Variants in RNF213 observed in about 807,000 individuals in gnomAD.
RNF213 encodes the protein E3 ubiquitin-protein ligase RNF213.
Under a neutral mutation model 514.4 loss-of-function variants are expected in RNF213, and 341 were observed. That is an observed-to-expected ratio of 0.66 (90% CI 0.61 to 0.73). RNF213 has a LOEUF of 0.73. Ranked by LOEUF, RNF213 falls within the 30% of genes least tolerant of loss-of-function variation. The pLI, the probability that RNF213 is intolerant of heterozygous loss-of-function variation, is 0.00. For synonymous variants in RNF213, 2,655 were observed against 2,658.2 expected (o/e 1.00, Z 0.04); for missense variants, 5,767 against 6,615.6 (o/e 0.87, Z 4.45).
Position 80,332,604 on chromosome 17 carries a change from C to T in RNF213, c.4116C>T (p.Phe1372=), listed in dbSNP as rs1320112992. 3 of 1,513,122 alleles carry T rather than the reference C, an allele frequency of 2.0e-6. No homozygotes were observed. The Admixed American group carries it at 6.3e-5, about 32-fold the overall frequency. The allele number at this position is 1,513,122 out of a possible 1,614,324, so 93.7% of individuals were successfully genotyped here. Residue 1372 remains phenylalanine, a synonymous_variant, in exon 21 of 68, where the codon TTC becomes TTT. Transcript: ENST00000582970. Reference sequence around the variant, plus strand: ...AGAGCCTGGGACTGAACGGTGACTTCAGTGTTCTCAACACTTTACTAAATT... The same window carrying T: ...AGAGCCTGGGACTGAACGGTGACTTTAGTGTTCTCAACACTTTACTAAATT... ...VKESLGLNGD[F]SVLNTLLNFT...
chr17:80,296,469 T>C (rs924657185), intron 10 of RNF213, among the ~76,000 whole-genome samples: 4 of 152,204 alleles, frequency 2.6e-5, no homozygotes, highest in African/African-American at 9.6e-5. Flanking sequence ...TGCCCCTGCC[T>C]GTGCCGTGTC....
At chr17:80,348,541 G>A (rs115266045) in intron 29 of RNF213, among the ~76,000 whole-genome samples, 25 of 152,366 alleles carry the variant, frequency 1.6e-4, no homozygotes, top group African/African-American at 5.5e-4. Flanking sequence ...AAAGTACCAC[G>A]TCCCAGGACT....
In RNF213 at chr17:80,332,324, A is replaced by T. The variant is rs1341968032; in HGVS notation, c.3836A>T (p.Tyr1279Phe). Residue 1279 changes from tyrosine (Y) to phenylalanine (F), a missense_variant, in exon 21 of 68, where the codon TAT (tyrosine) becomes TTT (phenylalanine). Transcript: ENST00000582970. ...LELEEVYDYL[Y>F]QPSYRKFIKL... is the part of the protein sequence containing the mutation. ...CTTGAAGAGGTGTATGACTATTTGTATCAGCCTTCTTACAGAAAGTTCATT... is the reference window on the plus strand; with the variant it reads ...CTTGAAGAGGTGTATGACTATTTGTTTCAGCCTTCTTACAGAAAGTTCATT... The T allele has an allele frequency of 6.5e-7, 1 of 1,537,254 alleles. No individual in the cohort carries two copies. The highest frequency in any genetic ancestry group is 2.4e-5 in the East Asian group (1 of 40,926).
rs146085630 is a variant in RNF213, at chr17:80,353,347, G to A, written c.10424-165G>A. On this transcript the variant is annotated intron_variant, in intron 33 of 67. Transcript: ENST00000582970. This position sits in a 1 kb window ranked among gnomAD's most constrained non-coding sequence, Gnocchi z 5.0. ...CTGGAAGGAAGGGGCTGCCTTGGGG[G>A]CTGATCTTCATGACCGTGATCTCTC... is the stretch of plus-strand genomic sequence containing the variant. 1.3e-4 allele frequency: 118 copies of A among 877,994 alleles called. No individual in the cohort carries two copies. The African/African-American group carries it at 1.8e-3, about 13-fold the overall frequency. 54.4% of individuals were successfully genotyped at this position (877,994 alleles called of 1,614,324 possible). A position where few individuals can be genotyped will look rare whatever the true frequency, so the allele number is the denominator to read the frequency against.
chr17:80,307,225 C>G, intron 13 of RNF213, 24 bp downstream of exon 13: 1 of 1,611,178 alleles, frequency 6.2e-7, no homozygotes, highest in Non-Finnish European at 8.5e-7. Context: ...ACGATGCAGT[C>G]TCTCCCTCAC....
chr17:80,330,887 G>C (rs1032099511), intron 20 of RNF213, among the ~76,000 whole-genome samples: 1 of 151,912 alleles, frequency 6.6e-6, no homozygotes, highest in Non-Finnish European at 1.5e-5. Flanking sequence ...GCTCAGTCTC[G>C]GCTCACTGCA....
In RNF213 at chr17:80,317,782, G is replaced by T; in HGVS notation, c.2901+505G>T. Among the ~76,000 whole-genome samples the T allele has an allele frequency of 6.6e-6, 1 of 152,196 alleles. No homozygotes were observed. The highest frequency in any genetic ancestry group is 1.5e-5 in the Non-Finnish European group (1 of 68,036). On this transcript the variant is annotated intron_variant, in intron 16 of 67. Coordinates refer to ENST00000582970, the MANE Select transcript of RNF213 (RefSeq NM_001256071.3). The surrounding 1 kb of genome is among the most constrained non-coding windows in gnomAD (Gnocchi z 4.1). Reference sequence around the variant, plus strand: ...TGGACAGTAGTGTGTTATCAGCTCAGTGGGTCCCTTGCCTTGTTGCCTAGG... The same window carrying T: ...TGGACAGTAGTGTGTTATCAGCTCATTGGGTCCCTTGCCTTGTTGCCTAGG...
intron 2 of RNF213, among the ~76,000 whole-genome samples, chr17:80,270,690 G>T (rs2043792458): frequency 6.6e-6 from 1 of 152,122 alleles, no homozygotes; most frequent in Admixed American, 6.6e-5. Flanking sequence ...AGGGAAGCTC[G>T]TTTTGCTTTG....
At chr17:80,357,271 A>C (rs914053146) in intron 36 of RNF213, among the ~76,000 whole-genome samples, 1 of 152,204 alleles carries the variant, frequency 6.6e-6, no homozygotes, top group Non-Finnish European at 1.5e-5. Flanking sequence ...TTATTGTTAC[A>C]TGTAAATATA....
intron 54 of RNF213, among the ~76,000 whole-genome samples, chr17:80,378,171 C>T (rs1390948532): frequency 6.6e-6 from 1 of 152,232 alleles, no homozygotes; most frequent in Non-Finnish European, 1.5e-5. Context: ...GGAACTGCTG[C>T]TAGCCATTCT....
chr17:80,328,239 G>C (rs1047348440), intron 19 of RNF213, 89 bp from the exon 20 acceptor site: 1 of 1,404,334 alleles, frequency 7.1e-7, no homozygotes, highest in Non-Finnish European at 9.5e-7. Context: ...TCCTGGTGGC[G>C]GGGAAGGTGC....
At chr17:80,333,171 C>T (rs1169102231) in intron 21 of RNF213, among the ~76,000 whole-genome samples, 2 of 151,452 alleles carry the variant, frequency 1.3e-5, no homozygotes, top group Non-Finnish European at 2.9e-5. Flanking sequence ...GTCTCAGCCT[C>T]CCAAGTAGCT....
In RNF213 at chr17:80,377,945, A is replaced by G. The variant is rs889866410; in HGVS notation, c.13545+149A>G. ...CTGCCCAGGGTGCTCTGAGCAGGGC[A>G]ATGCCAATGGCGCTAAGGGTTTCTA... On this transcript the variant is annotated intron_variant, in intron 54 of 67. Transcript: ENST00000582970. The surrounding 1 kb of genome is among the most constrained non-coding windows in gnomAD (Gnocchi z 4.1). The G allele has an allele frequency of 3.3e-6, 3 of 901,982 alleles. No homozygotes were observed. Among genetic ancestry groups the G allele is most frequent in the Non-Finnish European group, 3.7e-6 (2 of 542,216 alleles). The allele number at this position is 901,982 out of a possible 1,614,324, so 55.9% of individuals were successfully genotyped here. A position where few individuals can be genotyped will look rare whatever the true frequency, so the allele number is the denominator to read the frequency against.
intron 2 of RNF213, among the ~76,000 whole-genome samples, chr17:80,266,746 C>G (rs2043624117): frequency 6.6e-6 from 1 of 151,958 alleles, no homozygotes; most frequent in African/African-American, 2.4e-5. Context: ...AAGTGATGCG[C>G]CCACCTTGGC....
rs2078440740 is a variant in RNF213 at position 80,349,858 on chromosome 17, T to C, written c.10040T>C (p.Leu3347Pro). ...VTGRAPKPTL[L>P]WLQQFDTEYS... is the part of the protein sequence containing the mutation. ...GGCAGGGCTCCGAAACCCACACTCC[T>C]GTGGCTGCAGCAGTTTGACACCGAG... is the stretch of plus-strand genomic sequence containing the variant. Residue 3347 changes from leucine to proline, a missense_variant, in exon 30 of 68, where the codon CTG becomes CCG. This residue lies in a region of RNF213 where 919 missense variants were observed against 1,121.0 expected (regional missense o/e 0.82). Transcript: ENST00000582970. 6.2e-7 allele frequency: 1 copy of C among 1,614,032 alleles called. No homozygotes were observed.
chr17:80,346,399 C>T lies in RNF213; in HGVS notation c.8064C>T (p.Ala2688=), dbSNP rs1199290711. ...CCGTCCTCTGGTCGTTGATGCTGGCCATCGGGGTGTGTTACCATGCCTCTT... is the reference window on the plus strand; with the variant it reads ...CCGTCCTCTGGTCGTTGATGCTGGCTATCGGGGTGTGTTACCATGCCTCTT... ...RDPVLWSLML[A]IGVCYHASLE... Residue 2688 remains alanine (A), a synonymous_variant, in exon 29 of 68, where the codon GCC becomes GCT. Coordinates refer to ENST00000582970, the MANE Select transcript of RNF213 (RefSeq NM_001256071.3). This position sits in a 1 kb window ranked among gnomAD's most constrained non-coding sequence, Gnocchi z 8.1. 4.3e-6 allele frequency: 7 copies of T among 1,613,278 alleles called. No homozygotes were observed. Among genetic ancestry groups the T allele is most frequent in the Non-Finnish European group, 5.9e-6 (7 of 1,179,998 alleles).
intron 46 of RNF213, 29 bp from the exon 47 acceptor site, chr17:80,371,845 A>G: frequency 8.7e-7 from 1 of 1,148,526 alleles, no homozygotes; most frequent in Non-Finnish European, 1.3e-6. Context: ...GATCTGAGAG[A>G]ACCAGGAATA....
chr17:80,293,063 A>AT (rs1486801005), intron 8 of RNF213, among the ~76,000 whole-genome samples: 1 of 151,856 alleles, frequency 6.6e-6, no homozygotes, highest in Admixed American at 6.6e-5. Flanking sequence ...ACATATATAT[A>AT]TATTTTTTTT....
Position 80,353,702 on chromosome 17 carries a change from C to T in RNF213, c.10578+36C>T. The T allele has an allele frequency of 1.2e-6, 2 of 1,613,720 alleles. No individual in the cohort carries two copies. Among genetic ancestry groups the T allele is most frequent in the South Asian group, 2.2e-5 (2 of 91,050 alleles). On this transcript the variant is annotated intron_variant, in intron 34 of 67. Transcript: ENST00000582970. This position sits in a 1 kb window ranked among gnomAD's most constrained non-coding sequence, Gnocchi z 5.0. The stretch of plus-strand genomic sequence containing the variant: ...GTTCTTGGGACCTCCCCTTGTGCTG[C>T]TGGTGATGCTTCTGAGCTGCATCTT...
Sources: allele counts gnomAD v4.1 joint callset (sites outside exome capture counted in the v4.1 genomes callset), GRCh38; gene constraint gnomAD v4.1.1; regional missense constraint gnomAD v4.1.1; non-coding constraint Gnocchi (gnomAD v3.1); transcripts MANE v1.5; gene names NCBI Gene and HGNC (gene_info 2026-07-23, HGNC 2026-07-21).